The following MCTP2 variants were observed in gnomAD, a reference collection of about 807,000 sequenced individuals.
The protein encoded by MCTP2 is multiple C2 and transmembrane domain-containing protein 2.
A neutral mutation model predicts 111.6 loss-of-function variants in MCTP2; 132 were observed. The observed-to-expected ratio is 1.18, with a 90% CI of 1.03 to 1.37. The LOEUF (loss-of-function observed/expected upper bound fraction) is 1.37, where lower values mean the gene tolerates loss of function less well. Among genes scored for constraint, MCTP2 ranks in the 40% most tolerant of loss-of-function variants. The pLI is 0.00. For synonymous variants in MCTP2, 395 were observed against 387.7 expected (o/e 1.02, Z -0.22); for missense variants, 1,183 against 1,067.9 (o/e 1.11, Z -1.50).
intron 14 of MCTP2, among the ~76,000 whole-genome samples, chr15:94,390,068 A>ACG (rs1567602098): frequency 6.6e-4 from 17 of 25,836 alleles, no homozygotes; most frequent in African/African-American, 1.6e-3. Context: ...ATATATATAT[A>ACG]TATATATATA....
rs774524154 is a variant in MCTP2 at position 94,476,676 on chromosome 15, C to CTTTATCTGT, written c.2471-20_2471-19insTTTATCTGT. 8 of 1,210,950 alleles carry CTTTATCTGT rather than the reference C, an allele frequency of 6.6e-6. No individual in the cohort carries two copies. The African/African-American group carries it at 1.0e-4, about 16-fold the overall frequency. 75.0% of individuals were successfully genotyped at this position (1,210,950 alleles called of 1,614,324 possible). A position where few individuals can be genotyped will look rare whatever the true frequency, so the allele number is the denominator to read the frequency against. ...GACAGACAGACAGATAAAGAGATCT[C>CTTTATCTGT]CTGTGTTTCTATTTTTCAGGCATAA... is the stretch of plus-strand genomic sequence containing the variant. On this transcript the variant is annotated intron_variant, in intron 21 of 22. Transcript: ENST00000357742.
intron 19 of MCTP2, among the ~76,000 whole-genome samples, chr15:94,455,857 CT>C (rs2084802840): frequency 6.6e-6 from 1 of 152,154 alleles, no homozygotes; most frequent in African/African-American, 2.4e-5. Flanking sequence ...AAAGTACATT[CT>C]TTTGAAAAGT....
At position 94,335,082 on chromosome 15, in the gene MCTP2, A is replaced by G. The variant is rs555104147; in HGVS notation, c.638-4208A>G. 3.3e-5 allele frequency among the ~76,000 whole-genome samples: 5 copies of G among 152,004 alleles called. No individual in the cohort carries two copies. In the South Asian group the frequency reaches 6.2e-4, roughly 19 times the overall value. On this transcript the variant is annotated intron_variant, in intron 4 of 22. Transcript: ENST00000357742. Reference sequence around the variant, plus strand: ...GTGCCAGCTTTCTCCTCAGTCCTCAACTGTCTGTTGCTATATTTTCTCAAC... The same window carrying G: ...GTGCCAGCTTTCTCCTCAGTCCTCAGCTGTCTGTTGCTATATTTTCTCAAC...
chr15:94,313,216 C>G (rs963939487), intron 2 of MCTP2, among the ~76,000 whole-genome samples: 15 of 152,274 alleles, frequency 9.9e-5, no homozygotes, highest in South Asian at 4.2e-4. Flanking sequence ...CTCCACTCTG[C>G]CTCTCATTGC....
At position 94,244,108 on chromosome 15, in the gene MCTP2, GTA is replaced by G. The variant is rs368983585; in HGVS notation, c.-66+12448_-66+12449del. Among the ~76,000 whole-genome samples, 313 of 135,000 alleles carry G rather than the reference GTA, an allele frequency of 2.3e-3. 3 individuals are homozygous for G. Among genetic ancestry groups the G allele is most frequent in the African/African-American group, 6.7e-3 (241 of 35,742 alleles). 88.6% of individuals were successfully genotyped at this position (135,000 alleles called of 152,430 possible). On this transcript the variant is annotated intron_variant, in intron 1 of 22. Transcript: ENST00000357742. ...CACATATGTATACACATACATATGT[GTA>G]TATGTTTATATACACATGTATACAC...
Position 94,465,357 on chromosome 15 carries a change from A to G in MCTP2, c.2361-4976A>G, listed in dbSNP as rs548328973. On this transcript the variant is annotated intron_variant, in intron 20 of 22. Coordinates refer to ENST00000357742, the MANE Select transcript of MCTP2 (RefSeq NM_001385001.1). ...CTGTATATGCTATGCTTTTTCCTAT[A>G]CAGGCATGACCTATGATAAAGTTTA... Among the ~76,000 whole-genome samples, 3 of 152,238 alleles carry G rather than the reference A, an allele frequency of 2.0e-5. No homozygotes were observed. The East Asian group carries it at 5.8e-4, about 29-fold the overall frequency.
intron 21 of MCTP2, among the ~76,000 whole-genome samples, chr15:94,472,371 C>A (rs200989737): frequency 6.6e-6 from 1 of 152,096 alleles, no homozygotes; most frequent in African/African-American, 2.4e-5. Flanking sequence ...AACAAGACTC[C>A]GTCTCAAAAT....
intron 1 of MCTP2, among the ~76,000 whole-genome samples, chr15:94,253,744 T>TA (rs537513799): frequency 1.2e-3 from 184 of 151,046 alleles, no homozygotes; most frequent in Non-Finnish European, 2.4e-3. Context: ...TTTTTTTTTT[T>TA]AATGCACAAA....
In MCTP2 at chr15:94,355,826, A is replaced by G. The variant is rs574083711; in HGVS notation, c.1006-311A>G. ...AGAATGTCTTTCTTCCTCTCACACT[A>G]TTAAAATAGCTAAAGGCCCAGTTGA... On this transcript the variant is annotated intron_variant, in intron 8 of 22. Transcript: ENST00000357742. 1.0e-5 allele frequency: 7 copies of G among 697,512 alleles called. No homozygotes were observed. The African/African-American group carries it at 1.4e-4, about 14-fold the overall frequency. The allele number at this position is 697,512 out of a possible 1,614,324, so 43.2% of individuals were successfully genotyped here.
chr15:94,404,494 GT>G (rs2081795395), intron 17 of MCTP2, among the ~76,000 whole-genome samples: 1 of 151,888 alleles, frequency 6.6e-6, no homozygotes, highest in African/African-American at 2.4e-5. Flanking sequence ...TAGAGACGGG[GT>G]TTCGTCATAT....
At chr15:94,244,707 T>C (rs2071612706) in intron 1 of MCTP2, among the ~76,000 whole-genome samples, 1 of 149,294 alleles carries the variant, frequency 6.7e-6, no homozygotes, top group African/African-American at 2.5e-5. Context: ...TACACATACA[T>C]ATGCACCTAT....
At chr15:94,353,354 C>G (rs563324506) in intron 8 of MCTP2, among the ~76,000 whole-genome samples, 1 of 152,144 alleles carries the variant, frequency 6.6e-6, no homozygotes, top group Non-Finnish European at 1.5e-5. Context: ...CATGCTGTTC[C>G]GCCATATGGA....
intron 2 of MCTP2, among the ~76,000 whole-genome samples, chr15:94,306,495 G>A (rs1187400914): frequency 1.3e-5 from 2 of 152,192 alleles, no homozygotes; most frequent in Non-Finnish European, 2.9e-5. Context: ...TATAACATGA[G>A]TTTGGAAGTA....
At chr15:94,307,323 G>A (rs1464347025) in intron 2 of MCTP2, among the ~76,000 whole-genome samples, 4 of 152,132 alleles carry the variant, frequency 2.6e-5, no homozygotes, top group African/African-American at 4.8e-5. Context: ...GACCTCTTCC[G>A]AGAAGATAAC....
intron 14 of MCTP2, among the ~76,000 whole-genome samples, chr15:94,397,487 C>T (rs535702182): frequency 1.3e-5 from 2 of 152,288 alleles, no homozygotes; most frequent in East Asian, 3.9e-4. Context: ...TTAACATCCA[C>T]AATTTATTAA....
intron 21 of MCTP2, among the ~76,000 whole-genome samples, chr15:94,474,533 C>A (rs578061814): frequency 8.5e-5 from 13 of 152,116 alleles, no homozygotes; most frequent in African/African-American, 1.2e-4. Context: ...GGTATTCCTA[C>A]GTCACAACCT....
intron 14 of MCTP2, among the ~76,000 whole-genome samples, chr15:94,394,967 AG>A (rs910041083): frequency 2.6e-5 from 4 of 152,172 alleles, no homozygotes; most frequent in African/African-American, 9.7e-5. Flanking sequence ...GAGGCGGTCT[AG>A]GGTGATGAAT....
chr15:94,352,401 A>G (rs1307560783), intron 8 of MCTP2, among the ~76,000 whole-genome samples: 1 of 152,180 alleles, frequency 6.6e-6, no homozygotes, highest in South Asian at 2.1e-4. Context: ...TTTTAGAAAA[A>G]TGGGTGGGGA....
At chr15:94,457,089 C>T (rs2084881002) in intron 19 of MCTP2, among the ~76,000 whole-genome samples, 1 of 152,102 alleles carries the variant, frequency 6.6e-6, no homozygotes, top group South Asian at 2.1e-4. Context: ...TAGTTTAGTA[C>T]AATTTTCACC....
Sources: gnomAD v4.1 joint callset for allele counts (sites outside exome capture counted in the v4.1 genomes callset) on GRCh38, gnomAD v4.1.1 for gene constraint, MANE v1.5 for transcripts, NCBI Gene and HGNC (gene_info 2026-07-23, HGNC 2026-07-21) for gene names.